NUP93: variants seen among roughly 807,000 people sequenced by gnomAD.
NUP93 encodes nuclear pore complex protein Nup93.
A neutral mutation model predicts 107.8 loss-of-function variants in NUP93; 55 were observed. The ratio of observed to expected loss-of-function variants is 0.51; its 90% CI spans 0.41 to 0.64. The LOEUF is 0.64. Ranked by LOEUF, NUP93 falls within the 30% of genes least tolerant of loss-of-function variation. The pLI is 0.00. For synonymous variants in NUP93, 390 were observed against 397.5 expected, an observed-to-expected ratio of 0.98 and a Z score of 0.22; for missense variants, 937 against 1,044.7, an observed-to-expected ratio of 0.90 and a Z score of 1.42.
At chr16:56,773,890 A>G (rs532748986) in intron 3 of NUP93, among the ~76,000 whole-genome samples, 12 of 152,358 alleles carry the variant, frequency 7.9e-5, no homozygotes, top group Admixed American at 7.8e-4. Flanking sequence ...GTTTGAGTCC[A>G]TAAAGAATTT....
intron 1 of NUP93, among the ~76,000 whole-genome samples, chr16:56,739,761 G>C (rs1313816191): frequency 0.053 from 2,543 of 47,898 alleles, no homozygotes; most frequent in East Asian, 0.086. Context: ...GCGGCTGGCC[G>C]GGCAGAGGGG....
intron 1 of NUP93, among the ~76,000 whole-genome samples, chr16:56,736,081 G>A (rs185801581): frequency 2.1e-3 from 327 of 152,310 alleles, no homozygotes; most frequent in African/African-American, 7.7e-3. Context: ...TGTAAGGCCA[G>A]CACTTTGGGA....
intron 4 of NUP93, among the ~76,000 whole-genome samples, chr16:56,799,806 G>A (rs1024059014): frequency 6.6e-6 from 1 of 152,174 alleles, no homozygotes; most frequent in Admixed American, 6.5e-5. Context: ...GGTGAAATAG[G>A]GCAGCAGGGA....
chr16:56,808,703 AAATAC>A (rs1437988005), intron 5 of NUP93, among the ~76,000 whole-genome samples: 6 of 117,070 alleles, frequency 5.1e-5, no homozygotes, highest in Non-Finnish European at 8.1e-5. Context: ...AAATATATAA[AAATAC>A]ATATATAAAT....
At chr16:56,801,946 C>G (rs1411046289) in intron 4 of NUP93, among the ~76,000 whole-genome samples, 2 of 152,164 alleles carry the variant, frequency 1.3e-5, no homozygotes, top group Non-Finnish European at 2.9e-5. Context: ...TCTCCACTGT[C>G]CTCTTCAGCA....
In NUP93 at chr16:56,846,228, T is replaced by C. The variant is rs1167891293; in HGVS notation, c.*1619T>C. The C allele has an allele frequency of 6.7e-6, 1 of 150,018 alleles. No homozygotes were observed. Among genetic ancestry groups the C allele is most frequent in the Non-Finnish European group, 1.5e-5 (1 of 67,776 alleles). 9.3% of individuals were successfully genotyped at this position (150,018 alleles called of 1,614,324 possible). A position where few individuals can be genotyped will look rare whatever the true frequency, so the allele number is the denominator to read the frequency against. The stretch of plus-strand genomic sequence containing the variant: ...GAGTTCAAGACCAGCCTGGCCAACA[T>C]TGTGACACCCCGTCTATACTAAAAA... On this transcript the variant is annotated 3_prime_UTR_variant, in exon 22 of 22. Transcript: ENST00000308159.
intron 17 of NUP93, among the ~76,000 whole-genome samples, chr16:56,837,272 A>G (rs894449548): frequency 2.6e-5 from 4 of 152,230 alleles, no homozygotes; most frequent in Non-Finnish European, 4.4e-5. Flanking sequence ...AGACAAAAAA[A>G]CAGCTATAGG....
chr16:56,802,665 G>T (rs1963046475), intron 4 of NUP93, among the ~76,000 whole-genome samples: 1 of 152,104 alleles, frequency 6.6e-6, no homozygotes, highest in Admixed American at 6.6e-5. Context: ...CCAATTGTAG[G>T]AAGAGTATAT....
intron 7 of NUP93, among the ~76,000 whole-genome samples, chr16:56,822,241 G>A (rs1963560645): frequency 6.6e-6 from 1 of 151,878 alleles, no homozygotes; most frequent in Non-Finnish European, 1.5e-5. Context: ...GCCCGTTGTG[G>A]TGGCTCACAT....
intron 1 of NUP93, among the ~76,000 whole-genome samples, chr16:56,745,637 T>G (rs1266547045): frequency 6.6e-6 from 1 of 152,126 alleles, no homozygotes; most frequent in Non-Finnish European, 1.5e-5. Flanking sequence ...GTTGATTGGA[T>G]GTAGGATGTG....
In NUP93 at chr16:56,774,741, A is replaced by G. The variant is rs143229063; in HGVS notation, c.297+16086A>G. Reference sequence around the variant, plus strand: ...GTATTTTCTCATTTCGCAGATGAAGAAACTGAGGCATGAGGTGGATGATTT... The same window carrying G: ...GTATTTTCTCATTTCGCAGATGAAGGAACTGAGGCATGAGGTGGATGATTT... On this transcript the variant is annotated intron_variant, in intron 3 of 21. Transcript: ENST00000308159. Among the ~76,000 whole-genome samples the G allele has an allele frequency of 4.6e-5, 7 of 152,290 alleles. No individual in the cohort carries two copies. In the East Asian group the frequency reaches 1.3e-3, roughly 29 times the overall value.
chr16:56,821,402 A>G (rs1236553479), intron 6 of NUP93, 102 bp from the exon 7 acceptor site: 2 of 753,630 alleles, frequency 2.7e-6, no homozygotes, highest in Admixed American at 4.3e-5. Flanking sequence ...CCGAGGAAGG[A>G]AAGGTTGGCC....
chr16:56,740,396 G>A (rs1160032306), intron 1 of NUP93, among the ~76,000 whole-genome samples: 1 of 151,664 alleles, frequency 6.6e-6, no homozygotes, highest in African/African-American at 2.4e-5. Flanking sequence ...TGGGGCGGCG[G>A]GGCAGAGGCG....
chr16:56,811,715 CCCT>C (rs1168155310), intron 5 of NUP93, among the ~76,000 whole-genome samples: 1 of 152,102 alleles, frequency 6.6e-6, no homozygotes, highest in African/African-American at 2.4e-5. Context: ...AAGTGATCTG[CCCT>C]CCTCTGTTTC....
In NUP93 at chr16:56,805,578, GCACA is replaced by G; in HGVS notation, c.439_442del (p.Thr147CysfsTer50). ...GGGAGCAAGTGAAACAGCGAATTCT[GCACA>G]CACTGCTGGCATCAGGAGAAGACGC... On this transcript the variant is annotated frameshift_variant, in exon 5 of 22. Coordinates refer to ENST00000308159, the MANE Select transcript of NUP93 (RefSeq NM_014669.5). LOFTEE classifies it high-confidence loss of function. 1 of 1,614,090 alleles carries G rather than the reference GCACA, an allele frequency of 6.2e-7. No homozygotes were observed. Among genetic ancestry groups the G allele is most frequent in the Non-Finnish European group, 8.5e-7 (1 of 1,179,986 alleles).
chr16:56,770,529 C>G (rs1264665134), intron 3 of NUP93, among the ~76,000 whole-genome samples: 1 of 152,158 alleles, frequency 6.6e-6, no homozygotes, highest in African/African-American at 2.4e-5. Flanking sequence ...GCCACCCCCT[C>G]CAGTCACACA....
intron 3 of NUP93, among the ~76,000 whole-genome samples, chr16:56,778,670 AAGG>A (rs1962459998): frequency 2.0e-5 from 3 of 152,176 alleles, no homozygotes. Context: ...GGTTTGGGGC[AAGG>A]AGAAGGATGG....
chr16:56,848,583 A>G lies in NUP93; in HGVS notation c.*3974A>G, dbSNP rs572430716. 2.6e-5 allele frequency: 4 copies of G among 152,362 alleles called. No individual in the cohort carries two copies. The highest frequency in any genetic ancestry group is 9.6e-5 in the African/African-American group (4 of 41,578). The allele number at this position is 152,362 out of a possible 1,614,324, so 9.4% of individuals were successfully genotyped here. A position where few individuals can be genotyped will look rare whatever the true frequency, so the allele number is the denominator to read the frequency against. On this transcript the variant is annotated 3_prime_UTR_variant, in exon 22 of 22. Transcript: ENST00000308159. The stretch of plus-strand genomic sequence containing the variant: ...TATTGGTATCCCTCACAGGGCAGGG[A>G]CAGGAAGGAAATAAATCTTTCTGCC...
intron 3 of NUP93, among the ~76,000 whole-genome samples, chr16:56,787,164 C>G (rs545656283): frequency 6.6e-6 from 1 of 152,340 alleles, no homozygotes; most frequent in East Asian, 1.9e-4. Context: ...AAGGGAAGGT[C>G]TGTTTGTTTT....
Sources: allele counts gnomAD v4.1 joint callset (sites outside exome capture counted in the v4.1 genomes callset), GRCh38; gene constraint gnomAD v4.1.1; transcripts MANE v1.5; gene names NCBI Gene and HGNC (gene_info 2026-07-23, HGNC 2026-07-21).